The following ABCG2 variants were observed in gnomAD, a reference collection of about 807,000 sequenced individuals.
ABCG2 encodes the protein broad substrate specificity ATP-binding cassette transporter ABCG2.
A neutral mutation model predicts 73.5 loss-of-function variants in ABCG2; 80 were observed. That is an observed-to-expected ratio of 1.09 (90% CI 0.91 to 1.31). ABCG2 has a LOEUF of 1.31. Among genes scored for constraint, ABCG2 ranks in the 50% most tolerant of loss-of-function variants. ABCG2 has a pLI of 0.00. For synonymous variants in ABCG2, 269 were observed against 282.4 expected, an observed-to-expected ratio of 0.95 and a Z score of 0.48; for missense variants, 796 against 786.2, an observed-to-expected ratio of 1.01 and a Z score of -0.15.
At chr4:88,217,381 C>G (rs1560463794) in intron 1 of ABCG2, among the ~76,000 whole-genome samples, 2 of 152,096 alleles carry the variant, frequency 1.3e-5, no homozygotes, top group Non-Finnish European at 1.5e-5. Context: ...TGCATGGAGG[C>G]CAGGCGCGGT....
At chr4:88,141,590 C>T (rs1167607029) in intron 1 of ABCG2, among the ~76,000 whole-genome samples, 1 of 152,094 alleles carries the variant, frequency 6.6e-6, no homozygotes, top group Admixed American at 6.5e-5. Flanking sequence ...TCAATCATGG[C>T]GATCTGCTCA....
chr4:88,155,944 G>A (rs929219568), intron 1 of ABCG2, among the ~76,000 whole-genome samples: 2 of 152,088 alleles, frequency 1.3e-5, no homozygotes, highest in African/African-American at 2.4e-5. Context: ...CCAGTGTCCA[G>A]ATATTAGCTT....
intron 1 of ABCG2, among the ~76,000 whole-genome samples, chr4:88,201,447 A>G (rs1281096733): frequency 6.6e-6 from 1 of 152,224 alleles, no homozygotes; most frequent in Non-Finnish European, 1.5e-5. Context: ...CACACAAATT[A>G]GACAATCTGT....
At chr4:88,099,193 G>T in intron 12 of ABCG2, 131 bp downstream of exon 12, 1 of 813,878 alleles carries the variant, frequency 1.2e-6, no homozygotes, top group Non-Finnish European at 1.8e-6. Flanking sequence ...AGTGCAAAAT[G>T]GACAGGTGTT....
intron 6 of ABCG2, among the ~76,000 whole-genome samples, chr4:88,121,181 C>T (rs929411387): frequency 1.3e-5 from 2 of 151,982 alleles, no homozygotes; most frequent in Non-Finnish European, 2.9e-5. Context: ...ATGGGAGACT[C>T]ACAACCCAGT....
At chr4:88,148,719 A>G (rs373122186) in intron 1 of ABCG2, among the ~76,000 whole-genome samples, 13 of 152,300 alleles carry the variant, frequency 8.5e-5, no homozygotes, top group African/African-American at 3.1e-4. Flanking sequence ...GGTTTTTTTA[A>G]TCATGTTTAT....
intron 6 of ABCG2, among the ~76,000 whole-genome samples, chr4:88,119,984 T>G (rs560731781): frequency 1.8e-4 from 28 of 152,252 alleles, no homozygotes; most frequent in Admixed American, 1.1e-3. Flanking sequence ...CCAGGGAATG[T>G]CAGACGTCTT....
At position 88,132,927 on chromosome 4, in the gene ABCG2, T is replaced by C. The variant is rs45625235; in HGVS notation, c.204-292A>G. ...CTACTTAAAGAAAAAAAAAAAAGATTGTTGATTTGATGTGTAATATATAAT... is the reference window on the plus strand; with the variant it reads ...CTACTTAAAGAAAAAAAAAAAAGATCGTTGATTTGATGTGTAATATATAAT... On this transcript the variant is annotated intron_variant, in intron 2 of 15. Coordinates refer to ENST00000237612, the MANE Select transcript of ABCG2 (RefSeq NM_004827.3). 1.9e-3 allele frequency among the ~76,000 whole-genome samples: 283 copies of C among 152,188 alleles called. 3 individuals carry two copies. Among genetic ancestry groups the C allele is most frequent in the Middle Eastern group, 6.8e-3 (2 of 294 alleles).
chr4:88,137,087 T>A (rs1409009171), intron 2 of ABCG2, among the ~76,000 whole-genome samples: 1 of 145,010 alleles, frequency 6.9e-6, no homozygotes, highest in East Asian at 2.4e-4. Context: ...ATCCAAAGAA[T>A]GAGAGACGGA....
At chr4:88,212,096 G>A (rs995441900) in intron 1 of ABCG2, among the ~76,000 whole-genome samples, 2 of 152,132 alleles carry the variant, frequency 1.3e-5, no homozygotes, top group African/African-American at 4.8e-5. Flanking sequence ...TCTCTCAAAA[G>A]TATGATTGCC....
intron 1 of ABCG2, among the ~76,000 whole-genome samples, chr4:88,223,214 T>C (rs1730075713): frequency 6.6e-6 from 1 of 152,214 alleles, no homozygotes; most frequent in African/African-American, 2.4e-5. Flanking sequence ...TGGAATGAGT[T>C]AAGACTTTGG....
intron 15 of ABCG2, 48 bp from the exon 16 acceptor site, chr4:88,092,429 A>T: frequency 6.3e-7 from 1 of 1,584,038 alleles, no homozygotes; most frequent in Non-Finnish European, 8.6e-7. Context: ...AGCATCCGTC[A>T]AATGTTACTC....
At chr4:88,215,606 G>A (rs539350880) in intron 1 of ABCG2, among the ~76,000 whole-genome samples, 20 of 152,292 alleles carry the variant, frequency 1.3e-4, no homozygotes, top group East Asian at 1.9e-4. Flanking sequence ...TTTCATTTCA[G>A]TGGGAATAAT....
At chr4:88,107,030 T>C (rs1023869418) in intron 10 of ABCG2, among the ~76,000 whole-genome samples, 154 bp downstream of exon 10, 2 of 152,270 alleles carry the variant, frequency 1.3e-5, no homozygotes, top group South Asian at 4.1e-4. Flanking sequence ...CAACAGAGCA[T>C]GACTCTGTCT....
At position 88,099,416 on chromosome 4, in the gene ABCG2, G is replaced by T; in HGVS notation, c.1400C>A (p.Ser467Ter). The change falls in exon 12 of 16, where the codon TCA becomes TAA. Residue 467 changes from serine to a stop codon, truncating the protein, a stop_gained. Coordinates refer to ENST00000237612, the MANE Select transcript of ABCG2 (RefSeq NM_004827.3). LOFTEE classifies it high-confidence loss of function. The part of the protein sequence containing the change: ...HEYISGYYRV[S>*]SYFLGKLLSD... The stretch of plus-strand genomic sequence containing the variant: ...TAACAGTTTTCCAAGGAAATAAGAT[G>T]ACACTCTGTAGTATCCGCTGATGTA... The T allele has an allele frequency of 6.2e-7, 1 of 1,611,172 alleles. No homozygotes were observed. The highest frequency in any genetic ancestry group is 1.1e-5 in the South Asian group (1 of 90,352).
chr4:88,097,655 G>T (rs745803155), intron 12 of ABCG2, 48 bp from the exon 13 acceptor site: 1 of 1,582,968 alleles, frequency 6.3e-7, no homozygotes, highest in South Asian at 1.1e-5. Context: ...CTAGGTCACC[G>T]TATGTTTGGG....
intron 1 of ABCG2, among the ~76,000 whole-genome samples, chr4:88,185,927 C>T (rs1307507734): frequency 1.3e-5 from 2 of 152,124 alleles, no homozygotes; most frequent in Non-Finnish European, 2.9e-5. Context: ...TTAGTCCAAC[C>T]ACTATGGAGA....
chr4:88,224,903 T>A (rs1730147460), intron 1 of ABCG2, among the ~76,000 whole-genome samples: 1 of 152,194 alleles, frequency 6.6e-6, no homozygotes, highest in Non-Finnish European at 1.5e-5. Flanking sequence ...CTTTTGCATG[T>A]GGCTATCCAG....
chr4:88,155,912 A>T (rs1726906298), intron 1 of ABCG2, among the ~76,000 whole-genome samples: 1 of 152,132 alleles, frequency 6.6e-6, no homozygotes, highest in African/African-American at 2.4e-5. Flanking sequence ...AAAAAAAAAA[A>T]GAAGTAACTC....
Sources: allele counts gnomAD v4.1 joint callset (sites outside exome capture counted in the v4.1 genomes callset), GRCh38; gene constraint gnomAD v4.1.1; transcripts MANE v1.5; gene names NCBI Gene and HGNC (gene_info 2026-07-23, HGNC 2026-07-21).